Variants in CALN1 observed in about 807,000 individuals in gnomAD.
CALN1 encodes the protein calneuron 1.
Under a neutral mutation model 30.6 loss-of-function variants are expected in CALN1, and 17 were observed. The ratio of observed to expected loss-of-function variants is 0.56; its 90% confidence interval spans 0.38 to 0.83. The LOEUF (loss-of-function observed/expected upper bound fraction) is 0.83. Among genes scored for constraint, CALN1 ranks in the 40% least tolerant of loss-of-function variants. The pLI is 0.00. For missense variants in CALN1, 291 were observed against 354.9 expected, an observed-to-expected ratio of 0.82 and a Z score of 1.45; for synonymous variants, 156 against 131.4, an observed-to-expected ratio of 1.19 and a Z score of -1.28.
intron 3 of CALN1, among the ~76,000 whole-genome samples, chr7:72,108,085 A>G (rs1225932143): frequency 6.6e-6 from 1 of 152,234 alleles, no homozygotes; most frequent in Non-Finnish European, 1.5e-5. Flanking sequence ...TCATGATGTC[A>G]GCAGAGCTGT....
At position 71,967,357 on chromosome 7, in the gene CALN1, G is replaced by A. The variant is rs980456549; in HGVS notation, c.501+56300C>T. 2.6e-4 allele frequency among the ~76,000 whole-genome samples: 40 copies of A among 152,060 alleles called. 1 individual carries two copies. The highest frequency in any genetic ancestry group is 1.7e-3 in the Admixed American group (26 of 15,242). Reference sequence around the variant, plus strand: ...ACCTGTTAAAGAAACCTGACTAGGTGTGATGACTCATGTCTGTAATCCTAG... The same window carrying A: ...ACCTGTTAAAGAAACCTGACTAGGTATGATGACTCATGTCTGTAATCCTAG... On this transcript the variant is annotated intron_variant, in intron 5 of 6. Transcript: ENST00000395275.
rs954725076 is a variant in CALN1, at chr7:71,810,376, C to T, written c.618G>A (p.Leu206=). 1 of 1,614,144 alleles carries T rather than the reference C, an allele frequency of 6.2e-7. No individual in the cohort carries two copies. Among genetic ancestry groups the T allele is most frequent in the African/African-American group, 1.3e-5 (1 of 75,050 alleles). ...ENIIINEEES[L]NETSGNCQTE... ...TTTGGCAGTTCCCCGAGGTCTCATT[C>T]AGGCTCTCTTCCTCATTGATAATGA... The change falls in exon 6 of 7, where the codon CTG becomes CTA. Residue 206 remains leucine (L), a synonymous_variant. Transcript: ENST00000395275.
intron 2 of CALN1, among the ~76,000 whole-genome samples, chr7:72,324,245 C>A (rs953523971): frequency 6.6e-6 from 1 of 152,054 alleles, no homozygotes; most frequent in African/African-American, 2.4e-5. Context: ...AGTTTGAGAA[C>A]CACTGAATTA....
At chr7:72,308,367 G>GA in intron 2 of CALN1, among the ~76,000 whole-genome samples, 1 of 102,874 alleles carries the variant, frequency 9.7e-6, no homozygotes, top group Non-Finnish European at 2.0e-5. Flanking sequence ...CTGTCTGTGG[G>GA]GGGGGGAGAG....
intron 2 of CALN1, among the ~76,000 whole-genome samples, chr7:72,312,367 T>A (rs1800110290): frequency 1.5e-5 from 2 of 130,446 alleles, no homozygotes; most frequent in Admixed American, 1.8e-4. Flanking sequence ...CAATCCAGCC[T>A]AGACAACAGA....
the CALN1 span, among the ~76,000 whole-genome samples, chr7:72,452,618 T>A: frequency 6.6e-6 from 1 of 152,160 alleles, no homozygotes. Context: ...TCTGTGGAAC[T>A]GTGAGCCAAA....
chr7:72,125,836 C>G (rs556965317), intron 3 of CALN1, among the ~76,000 whole-genome samples: 143 of 137,000 alleles, frequency 1.0e-3, no homozygotes, highest in African/African-American at 3.7e-3. Flanking sequence ...GAGTCTTGCC[C>G]TGTCGCCCAG....
At chr7:72,398,741 T>C (rs1340385404) in intron 2 of CALN1, among the ~76,000 whole-genome samples, 1 of 152,210 alleles carries the variant, frequency 6.6e-6, no homozygotes, top group Non-Finnish European at 1.5e-5. Context: ...GACACCCCAT[T>C]ATCCCAAATA....
chr7:72,487,160 C>G, the CALN1 span, among the ~76,000 whole-genome samples: 1 of 152,070 alleles, frequency 6.6e-6, no homozygotes, highest in African/African-American at 2.4e-5. Context: ...CAAGTGATCT[C>G]CTGCCTCAGC....
At chr7:72,156,825 T>C (rs1787716686) in intron 3 of CALN1, among the ~76,000 whole-genome samples, 1 of 152,184 alleles carries the variant, frequency 6.6e-6, no homozygotes, top group African/African-American at 2.4e-5. Flanking sequence ...TTCAGGATGA[T>C]GGGGCTGAAT....
chr7:72,385,006 A>G (rs565036264), intron 2 of CALN1, among the ~76,000 whole-genome samples: 1 of 152,158 alleles, frequency 6.6e-6, no homozygotes, highest in Non-Finnish European at 1.5e-5. Context: ...ATTTGAACAT[A>G]CTCCTCCGCA....
intron 2 of CALN1, among the ~76,000 whole-genome samples, chr7:72,339,408 T>C (rs1311986141): frequency 6.6e-6 from 1 of 152,180 alleles, no homozygotes; most frequent in African/African-American, 2.4e-5. Context: ...TCTTAAGGAC[T>C]TGCTGAGTAC....
chr7:72,380,705 TTAGATAGA>T (rs370157902), intron 2 of CALN1, among the ~76,000 whole-genome samples: 1 of 114,584 alleles, frequency 8.7e-6, no homozygotes, highest in Non-Finnish European at 2.0e-5. Context: ...ATACATTAGA[TTAGATAGA>T]TAGATAGATA....
intron 3 of CALN1, among the ~76,000 whole-genome samples, chr7:72,232,813 G>C (rs556748866): frequency 6.6e-5 from 10 of 152,226 alleles, no homozygotes; most frequent in Non-Finnish European, 1.5e-4. Flanking sequence ...ATGATATATT[G>C]AAATTTTTTT....
intron 5 of CALN1, among the ~76,000 whole-genome samples, chr7:71,917,627 C>T (rs1359483536): frequency 1.3e-5 from 2 of 152,086 alleles, no homozygotes; most frequent in African/African-American, 4.8e-5. Flanking sequence ...GGCACCTCTC[C>T]ATGGGGCAGC....
rs139021175 is a variant in CALN1 at position 72,248,961 on chromosome 7, T to C, written c.244+29725A>G. ...TGTTCCAAGATATAAGAGAAAGGCT[T>C]AAAAGAAGTATTTTTAATCAAGAAG... is the stretch of plus-strand genomic sequence containing the variant. On this transcript the variant is annotated intron_variant, in intron 3 of 6. Coordinates refer to ENST00000395275, the MANE Select transcript of CALN1 (RefSeq NM_031468.4). Among the ~76,000 whole-genome samples, 3 of 152,186 alleles carry C rather than the reference T, an allele frequency of 2.0e-5. No homozygotes were observed. The East Asian group carries it at 5.8e-4, about 29-fold the overall frequency.
chr7:72,048,319 G>A (rs1035355584), intron 4 of CALN1, among the ~76,000 whole-genome samples: 34 of 152,060 alleles, frequency 2.2e-4, no homozygotes, highest in African/African-American at 5.8e-4. Context: ...GATTACAGGC[G>A]TGAGCCACCA....
At chr7:72,034,416 G>A (rs1381124025) in intron 4 of CALN1, among the ~76,000 whole-genome samples, 4 of 151,448 alleles carry the variant, frequency 2.6e-5, no homozygotes, top group Admixed American at 1.3e-4. Context: ...GGAGGAGGAC[G>A]TACTGGGGAA....
At chr7:72,450,703 A>T (rs1256080502), upstream of CALN1, among the ~76,000 whole-genome samples, 1 of 151,998 alleles carries the variant, frequency 6.6e-6, no homozygotes, top group African/African-American at 2.4e-5. Context: ...AACATGGCAA[A>T]ACTCCATCTC....
Sources: allele counts gnomAD v4.1 joint callset (sites outside exome capture counted in the v4.1 genomes callset), GRCh38; gene constraint gnomAD v4.1.1; transcripts MANE v1.5; gene names NCBI Gene and HGNC (gene_info 2026-07-23, HGNC 2026-07-21).